The following FRMPD4 variants were observed in gnomAD, a reference collection of about 807,000 sequenced individuals.
FRMPD4 encodes the protein FERM and PDZ domain containing 4.
In FRMPD4, 22 loss-of-function variants were observed where a neutral mutation model predicts 94.1. That is an observed-to-expected ratio of 0.23 (90% CI 0.17 to 0.33). The LOEUF (loss-of-function observed/expected upper bound fraction) is 0.33. Among genes scored for constraint, FRMPD4 ranks in the 10% least tolerant of loss-of-function variants. The pLI, the probability that FRMPD4 is intolerant of heterozygous loss-of-function variation, is 1.00. For synonymous variants in FRMPD4, 631 were observed against 548.6 expected (o/e 1.15, Z -2.10); for missense variants, 1,111 against 1,339.9 (o/e 0.83, Z 2.67).
intron 3 of FRMPD4, among the ~76,000 whole-genome samples, chrX:12,105,790 C>A (rs1220489174): frequency 8.9e-6 from 1 of 111,930 alleles, no homozygotes; most frequent in Non-Finnish European, 1.9e-5. Context: ...GTAGGATGAG[C>A]AAGGTGATGA....
At chrX:12,112,245 T>G (rs878978683) in intron 3 of FRMPD4, among the ~76,000 whole-genome samples, 162 of 111,484 alleles carry the variant, frequency 1.5e-3, no homozygotes, top group Non-Finnish European at 1.3e-3. Context: ...CCATAAAAAA[T>G]GATGAGTTCA....
intron 3 of FRMPD4, among the ~76,000 whole-genome samples, chrX:12,107,671 T>G (rs2055312507): frequency 9.0e-6 from 1 of 111,145 alleles, no homozygotes; most frequent in Non-Finnish European, 1.9e-5. Context: ...GATGAAACCT[T>G]GAAAAAAGAG....
At chrX:12,640,148 A>C (rs1194896210) in intron 4 of FRMPD4, among the ~76,000 whole-genome samples, 1 of 109,034 alleles carries the variant, frequency 9.2e-6, no homozygotes, top group Non-Finnish European at 1.9e-5. Context: ...AAAATACAGA[A>C]ATTAGCCAGG....
chrX:12,257,411 C>A (rs1164596635), intron 1 of FRMPD4, among the ~76,000 whole-genome samples: 1 of 111,962 alleles, frequency 8.9e-6, no homozygotes, highest in Non-Finnish European at 1.9e-5. Context: ...TACTTTGATT[C>A]TTGACTCATT....
intron 3 of FRMPD4, among the ~76,000 whole-genome samples, chrX:11,910,951 A>G (rs1488180769): frequency 1.4e-4 from 15 of 110,871 alleles, no homozygotes; most frequent in Admixed American, 1.2e-3. Flanking sequence ...AAAAAAAAAA[A>G]CATCTTCCAA....
intron 1 of FRMPD4, among the ~76,000 whole-genome samples, chrX:11,847,113 A>T (rs1324132653): frequency 9.1e-6 from 1 of 110,114 alleles, no homozygotes; most frequent in Non-Finnish European, 1.9e-5. Context: ...CATGGGAGAA[A>T]ATTTTCGCAA....
intron 1 of FRMPD4, among the ~76,000 whole-genome samples, chrX:12,213,268 T>C (rs915420997): frequency 8.0e-5 from 9 of 112,328 alleles, no homozygotes; most frequent in Admixed American, 7.6e-4. Context: ...GCTTGACACA[T>C]AGTAGAGATT....
At chrX:12,004,985 G>A (rs762642544) in intron 3 of FRMPD4, among the ~76,000 whole-genome samples, 16 of 112,079 alleles carry the variant, frequency 1.4e-4, no homozygotes, top group Admixed American at 1.2e-3. Flanking sequence ...TAGCAAGATC[G>A]ATGAACTTGT....
At chrX:12,134,313 A>G (rs1305982077), upstream of FRMPD4, among the ~76,000 whole-genome samples, 1 of 111,685 alleles carries the variant, frequency 9.0e-6, no homozygotes, top group Non-Finnish European at 1.9e-5. Context: ...TTTATCATCT[A>G]CCTCCTCTTC....
At position 12,047,373 on chromosome X, in the gene FRMPD4, T is replaced by C. The variant is rs750664083; in HGVS notation, c.95+169355T>C. 9.2e-4 allele frequency among the ~76,000 whole-genome samples: 103 copies of C among 111,657 alleles called. 1 individual carries two copies. The highest frequency in any genetic ancestry group is 3.1e-3 in the African/African-American group (95 of 30,900). On this transcript the variant is annotated intron_variant, in intron 3 of 18. Coordinates refer to the FRMPD4 transcript ENST00000640291. ...TAAAACAATACTGTATTTCAGAACT[T>C]ATGATATGTAGCTAAAGTTCTCAGA...
chrX:12,392,089 A>G (rs2056482670), intron 1 of FRMPD4, among the ~76,000 whole-genome samples: 1 of 109,473 alleles, frequency 9.1e-6, no homozygotes. Flanking sequence ...GCTGCAGTGC[A>G]GTGGTGCAAT....
rs3066486 is a variant in FRMPD4 at position 12,553,434 on chromosome X, C to CTATATA, written c.158+54666_158+54671dup. ...AGTTTTGTGAGATCTATCCATATGC[C>CTATATA]TATATATATATATATATATATATAT... On this transcript the variant is annotated intron_variant, in intron 2 of 16. Transcript: ENST00000675598. 5.6e-3 allele frequency among the ~76,000 whole-genome samples: 220 copies of CTATATA among 39,617 alleles called. 2 individuals carry two copies. The highest frequency in any genetic ancestry group is 0.014 in the African/African-American group (133 of 9,614). 34.4% of individuals were successfully genotyped at this position (39,617 alleles called of 115,157 possible).
At chrX:12,448,251 G>T (rs937688516) in intron 1 of FRMPD4, among the ~76,000 whole-genome samples, 2 of 111,602 alleles carry the variant, frequency 1.8e-5, no homozygotes, top group African/African-American at 3.3e-5. Context: ...TTAGAATTTT[G>T]TCCTTTTAAC....
At chrX:12,679,155 G>A (rs2059936246) in intron 5 of FRMPD4, among the ~76,000 whole-genome samples, 2 of 111,853 alleles carry the variant, frequency 1.8e-5, no homozygotes, top group East Asian at 2.8e-4. Context: ...TTTGCCTGTG[G>A]GCTCTTCCTG....
At chrX:12,579,586 G>A (rs1198823286) in intron 2 of FRMPD4, among the ~76,000 whole-genome samples, 1 of 112,016 alleles carries the variant, frequency 8.9e-6, no homozygotes, top group East Asian at 2.8e-4. Flanking sequence ...GCTAGCAGAT[G>A]TTTAGCTTTC....
At chrX:12,398,993 C>T (rs758494552) in intron 1 of FRMPD4, among the ~76,000 whole-genome samples, 4 of 110,570 alleles carry the variant, frequency 3.6e-5, no homozygotes, top group Non-Finnish European at 3.8e-5. Flanking sequence ...GTTCCATATC[C>T]AGGGCAGTAA....
At chrX:11,839,593 T>G (rs946320066) in intron 1 of FRMPD4, among the ~76,000 whole-genome samples, 23 of 111,522 alleles carry the variant, frequency 2.1e-4, no homozygotes, top group African/African-American at 7.1e-4. Flanking sequence ...TATTTTAATT[T>G]CAATAAAGTC....
chrX:11,977,781 T>A (rs2054374788), intron 3 of FRMPD4, among the ~76,000 whole-genome samples: 1 of 111,834 alleles, frequency 8.9e-6, no homozygotes. Context: ...GGTTAATAAT[T>A]GGTTGAGTTT....
chrX:12,644,533 A>G (rs1427334966), intron 4 of FRMPD4, among the ~76,000 whole-genome samples: 1 of 111,116 alleles, frequency 9.0e-6, no homozygotes, highest in Non-Finnish European at 1.9e-5. Flanking sequence ...GCTTAACCCT[A>G]AACTTGGAAG....
Sources: allele counts gnomAD v4.1 joint callset (sites outside exome capture counted in the v4.1 genomes callset), GRCh38; gene constraint gnomAD v4.1.1; transcripts MANE v1.5; gene names NCBI Gene and HGNC (gene_info 2026-07-23, HGNC 2026-07-21).